Variants in PCDH15 observed in about 807,000 individuals in gnomAD.
PCDH15 encodes the protein protocadherin related 15, also known as protocadherin-15.
Under a neutral mutation model 178.5 loss-of-function variants are expected in PCDH15, and 129 were observed. The observed-to-expected ratio is 0.72, with a 90% CI of 0.63 to 0.84. The LOEUF (loss-of-function observed/expected upper bound fraction) is 0.84, where lower values mean the gene tolerates loss of function less well. Ranked by LOEUF, PCDH15 falls within the 40% of genes least tolerant of loss-of-function variation. The pLI is 0.00. For missense variants in PCDH15, 2,230 were observed against 2,099.9 expected, an observed-to-expected ratio of 1.06 and a Z score of -1.21; for synonymous variants, 800 against 732.0, an observed-to-expected ratio of 1.09 and a Z score of -1.50.
chr10:54,150,303 C>A (rs987006768), intron 14 of PCDH15, among the ~76,000 whole-genome samples: 3 of 151,978 alleles, frequency 2.0e-5, no homozygotes, highest in Non-Finnish European at 4.4e-5. Flanking sequence ...AATACTCCAC[C>A]AACCGTATCT....
intron 3 of PCDH15, among the ~76,000 whole-genome samples, chr10:54,482,255 G>A (rs2078771163): frequency 6.6e-6 from 1 of 151,778 alleles, no homozygotes; most frequent in Non-Finnish European, 1.5e-5. Flanking sequence ...AATATCGATT[G>A]TGAGAATAGT....
intron 20 of PCDH15, among the ~76,000 whole-genome samples, chr10:54,011,926 C>T (rs1475598820): frequency 6.6e-6 from 1 of 152,148 alleles, no homozygotes; most frequent in Non-Finnish European, 1.5e-5. Flanking sequence ...AGCCAGGATT[C>T]TTAACTCAGC....
At chr10:53,998,226 T>C (rs1200159082) in intron 20 of PCDH15, among the ~76,000 whole-genome samples, 1 of 152,142 alleles carries the variant, frequency 6.6e-6, no homozygotes, top group Non-Finnish European at 1.5e-5. Flanking sequence ...CCCATAATAT[T>C]TGTTTCTTTT....
intron 3 of PCDH15, among the ~76,000 whole-genome samples, chr10:54,391,820 G>A (rs58835161): frequency 0.052 from 7,913 of 152,172 alleles, 690 homozygotes; most frequent in African/African-American, 0.18. Flanking sequence ...AAGAGTGGAT[G>A]TAAAAGGCAA....
chr10:55,334,010 T>C (rs1337833306), intron 2 of PCDH15, among the ~76,000 whole-genome samples: 3 of 151,662 alleles, frequency 2.0e-5, no homozygotes, highest in African/African-American at 4.8e-5. Context: ...ACATTTTTCA[T>C]ACTTTAAAAT....
At chr10:54,204,354 C>CAA in intron 10 of PCDH15, among the ~76,000 whole-genome samples, 1 of 41,448 alleles carries the variant, frequency 2.4e-5, no homozygotes, top group African/African-American at 1.1e-4. Context: ...TAAAGTGTTG[C>CAA]AAAAAAAAAA....
At chr10:55,288,063 A>AAT (rs909645766) in intron 1 of PCDH15, among the ~76,000 whole-genome samples, 49 of 150,008 alleles carry the variant, frequency 3.3e-4, no homozygotes, top group East Asian at 2.5e-3. Context: ...CACGATACTT[A>AAT]ATATATATAT....
rs1209256979 is a variant in PCDH15, at chr10:54,871,729, T to G, written c.-29+25721A>C. ...CAGTGGGACCCAGGCTCATAAATTA[T>G]TTTTGTTCATAATTTTTACTAAATA... On this transcript the variant is annotated intron_variant, in intron 3 of 5. Transcript: ENST00000458638. 2.6e-5 allele frequency among the ~76,000 whole-genome samples: 4 copies of G among 152,076 alleles called. No individual in the cohort carries two copies. In the East Asian group the frequency reaches 7.7e-4, roughly 29 times the overall value.
chr10:55,602,096 T>C (rs929984575), intron 2 of PCDH15, among the ~76,000 whole-genome samples: 1 of 151,988 alleles, frequency 6.6e-6, no homozygotes, highest in Non-Finnish European at 1.5e-5. Context: ...GGTCAGGGAG[T>C]TCCCTTTCCT....
At chr10:54,413,831 G>GAGA in intron 3 of PCDH15, among the ~76,000 whole-genome samples, 1 of 152,028 alleles carries the variant, frequency 6.6e-6, no homozygotes, top group Non-Finnish European at 1.5e-5. Context: ...TACGATAATG[G>GAGA]CCTACAATTG....
chr10:54,857,434 AT>A (rs1033012833), intron 3 of PCDH15, among the ~76,000 whole-genome samples: 57 of 152,144 alleles, frequency 3.7e-4, no homozygotes, highest in African/African-American at 1.3e-3. Flanking sequence ...ATTATTCGTT[AT>A]TTTATTTGAT....
chr10:54,353,805 T>C (rs1944534065), intron 5 of PCDH15, among the ~76,000 whole-genome samples: 1 of 152,260 alleles, frequency 6.6e-6, no homozygotes, highest in Non-Finnish European at 1.5e-5. Flanking sequence ...ACTAGATGAT[T>C]AATATTAAGG....
At chr10:55,502,839 C>T (rs1473219906) in intron 2 of PCDH15, among the ~76,000 whole-genome samples, 1 of 151,282 alleles carries the variant, frequency 6.6e-6, no homozygotes, top group Non-Finnish European at 1.5e-5. Context: ...ACTTGTTATT[C>T]TTTTTTTTCG....
intron 1 of PCDH15, among the ~76,000 whole-genome samples, chr10:54,708,571 T>C (rs2095391904): frequency 6.6e-6 from 1 of 152,222 alleles, no homozygotes; most frequent in African/African-American, 2.4e-5. Context: ...ATGTGAATTT[T>C]GCAGTTACAT....
At chr10:55,204,213 G>T (rs1840331873) in intron 1 of PCDH15, among the ~76,000 whole-genome samples, 1 of 148,068 alleles carries the variant, frequency 6.8e-6, no homozygotes, top group East Asian at 2.0e-4. Flanking sequence ...ATACTCAAGG[G>T]TTTTAAATAT....
chr10:54,123,255 A>G (rs2041709335), intron 15 of PCDH15, among the ~76,000 whole-genome samples: 1 of 152,174 alleles, frequency 6.6e-6, no homozygotes, highest in Admixed American at 6.5e-5. Flanking sequence ...AGGAGAGAAT[A>G]TTCCCAAAAT....
At chr10:54,619,751 C>T (rs1371583920) in intron 2 of PCDH15, among the ~76,000 whole-genome samples, 2 of 152,014 alleles carry the variant, frequency 1.3e-5, no homozygotes, top group Non-Finnish European at 2.9e-5. Flanking sequence ...CGCACTAGAA[C>T]CATCATAGTG....
intron 2 of PCDH15, among the ~76,000 whole-genome samples, chr10:55,480,256 A>C (rs1436049122): frequency 6.6e-6 from 1 of 151,712 alleles, no homozygotes; most frequent in Middle Eastern, 3.2e-3. Context: ...TTCTAGATAT[A>C]GGATCATGTC....
chr10:55,000,779 G>A lies in PCDH15; in HGVS notation c.-79-103279C>T, dbSNP rs555002070. ...TGTTCTTCCACCATGGCTTCAGTCA[G>A]TCCCTCCATTTGGGGTCCCTGACTT... is the stretch of plus-strand genomic sequence containing the variant. On this transcript the variant is annotated intron_variant, in intron 2 of 5. Coordinates refer to the PCDH15 transcript ENST00000458638. Among the ~76,000 whole-genome samples the A allele has an allele frequency of 2.2e-3, 334 of 152,240 alleles. 3 individuals carry two copies. The Middle Eastern group carries it at 0.027, about 12-fold the overall frequency.
Sources: allele counts gnomAD v4.1 joint callset (sites outside exome capture counted in the v4.1 genomes callset), GRCh38; gene constraint gnomAD v4.1.1; transcripts MANE v1.5; gene names NCBI Gene and HGNC (gene_info 2026-07-23, HGNC 2026-07-21).